The following GRIK4 variants were observed in gnomAD, a reference collection of about 807,000 sequenced individuals.
The protein encoded by GRIK4 is glutamate receptor ionotropic, kainate 4.
Under a neutral mutation model 104.9 loss-of-function variants are expected in GRIK4, and 40 were observed. That is an observed-to-expected ratio of 0.38 (90% CI 0.30 to 0.50). The LOEUF is 0.50. GRIK4 is among the 20% of genes least tolerant of loss of function. The pLI, the probability that GRIK4 is intolerant of heterozygous loss-of-function variation, is 0.93. For missense variants in GRIK4, 1,047 were observed against 1,308.1 expected (o/e 0.80, Z 3.08); for synonymous variants, 485 against 524.9 (o/e 0.92, Z 1.04).
intron 11 of GRIK4, among the ~76,000 whole-genome samples, chr11:120,890,890 G>A (rs1005805851): frequency 6.6e-6 from 1 of 152,048 alleles, no homozygotes; most frequent in African/African-American, 2.4e-5. Flanking sequence ...GGTTACGGTG[G>A]CCTCCCTAGA....
chr11:120,899,793 C>A (rs540809641), intron 12 of GRIK4, among the ~76,000 whole-genome samples: 1 of 152,198 alleles, frequency 6.6e-6, no homozygotes, highest in African/African-American at 2.4e-5. Flanking sequence ...GGCCCAGCAT[C>A]TTATTAGCAG....
chr11:120,677,323 G>C (rs1950113927), intron 3 of GRIK4, among the ~76,000 whole-genome samples: 1 of 152,184 alleles, frequency 6.6e-6, no homozygotes, highest in Non-Finnish European at 1.5e-5. Context: ...TCCTGCCATG[G>C]GGTCTAGAGA....
intron 1 of GRIK4, among the ~76,000 whole-genome samples, chr11:120,553,619 A>G (rs1257391347): frequency 6.6e-6 from 1 of 152,140 alleles, no homozygotes; most frequent in African/African-American, 2.4e-5. Flanking sequence ...ACCTGAACTC[A>G]GGGGTTATAT....
chr11:120,834,309 T>G (rs1331293972), intron 7 of GRIK4, among the ~76,000 whole-genome samples: 2 of 147,142 alleles, frequency 1.4e-5, no homozygotes, highest in African/African-American at 5.0e-5. Context: ...TGGCCATGCT[T>G]TTGAAGGAAG....
chr11:120,660,538 C>T (rs1193627846), intron 3 of GRIK4, 138 bp downstream of exon 3: 1 of 647,346 alleles, frequency 1.5e-6, no homozygotes, highest in African/African-American at 1.8e-5. Context: ...CTGGGGTGAA[C>T]ATGCAGGTGG....
rs531322010 is a variant in GRIK4, at chr11:120,588,096, A to G, written c.-158-65589A>G. On this transcript the variant is annotated intron_variant, in intron 1 of 20. Transcript: ENST00000527524. ...GGGTGGGCTGCAAATTCAGGAGGGC[A>G]GGTGTGTGGGCGGCCAGAGGGGCAC... Among the ~76,000 whole-genome samples, 45 of 152,236 alleles carry G rather than the reference A, an allele frequency of 3.0e-4. No individual in the cohort carries two copies. The South Asian group carries it at 9.1e-3, about 31-fold the overall frequency.
rs980342596 is a variant in GRIK4 at position 120,903,732 on chromosome 11, G to C, written c.1273-1558G>C. Reference sequence around the variant, plus strand: ...TGGGGAAGGAGCTTGGAGGAGAGGCGATCTGCCCTCTCTGTGCCTGCCGCC... The same window carrying C: ...TGGGGAAGGAGCTTGGAGGAGAGGCCATCTGCCCTCTCTGTGCCTGCCGCC... On this transcript the variant is annotated intron_variant, in intron 12 of 20. Transcript: ENST00000527524. This position sits in a 1 kb window ranked among gnomAD's most constrained non-coding sequence, Gnocchi z 4.4. 6.6e-6 allele frequency among the ~76,000 whole-genome samples: 1 copy of C among 152,064 alleles called. No homozygotes were observed. Among genetic ancestry groups the C allele is most frequent in the African/African-American group, 2.4e-5 (1 of 41,418 alleles).
chr11:120,795,097 C>T (rs140572306), intron 3 of GRIK4, among the ~76,000 whole-genome samples: 150 of 152,278 alleles, frequency 9.9e-4, no homozygotes, highest in African/African-American at 3.1e-3. Flanking sequence ...GGGCTCTATC[C>T]GGCTGAGCCA....
intron 1 of GRIK4, among the ~76,000 whole-genome samples, chr11:120,535,026 A>G (rs1947958645): frequency 6.6e-6 from 1 of 152,204 alleles, no homozygotes; most frequent in Non-Finnish European, 1.5e-5. Context: ...GCTGGCCGGT[A>G]TTCAACAGCG....
At chr11:120,660,532 G>A (rs1422632999) in intron 3 of GRIK4, 132 bp downstream of exon 3, 1 of 662,142 alleles carries the variant, frequency 1.5e-6, no homozygotes, top group Admixed American at 2.6e-5. Context: ...GTGTGGCTGG[G>A]GTGAACATGC....
At chr11:120,848,207 A>T (rs1054689737) in intron 8 of GRIK4, among the ~76,000 whole-genome samples, 5 of 152,002 alleles carry the variant, frequency 3.3e-5, no homozygotes, top group African/African-American at 1.2e-4. Flanking sequence ...GTACAGACTG[A>T]CTCTAAGATG....
At chr11:120,672,053 T>C (rs1950027192) in intron 3 of GRIK4, among the ~76,000 whole-genome samples, 1 of 152,220 alleles carries the variant, frequency 6.6e-6, no homozygotes, top group Non-Finnish European at 1.5e-5. Flanking sequence ...TGAAGTCACA[T>C]AGTGTGATGC....
intron 13 of GRIK4, among the ~76,000 whole-genome samples, chr11:120,931,627 TCA>T (rs1565446706): frequency 6.6e-6 from 1 of 152,212 alleles, no homozygotes; most frequent in Non-Finnish European, 1.5e-5. Context: ...TCTCTGTGCC[TCA>T]GTTTTCTCAT....
At chr11:120,787,145 CT>C (rs548207852) in intron 3 of GRIK4, among the ~76,000 whole-genome samples, 66 of 85,606 alleles carry the variant, frequency 7.7e-4, no homozygotes, top group Middle Eastern at 7.5e-3. Flanking sequence ...TAGTAGGACT[CT>C]TTTTTTTTTT....
At chr11:120,612,499 CAAA>C (rs11333522) in intron 1 of GRIK4, among the ~76,000 whole-genome samples, 3,929 of 147,366 alleles carry the variant, frequency 0.027, 143 homozygotes, top group African/African-American at 0.088. Flanking sequence ...ACTTTTGAGG[CAAA>C]AAAAAAAAAA....
chr11:120,594,487 T>A (rs1012247896), intron 1 of GRIK4, among the ~76,000 whole-genome samples: 1 of 151,992 alleles, frequency 6.6e-6, no homozygotes, highest in African/African-American at 2.4e-5. Flanking sequence ...AATAAATAAA[T>A]AATAAATAAA....
chr11:120,552,868 C>T (rs1948153134), intron 1 of GRIK4, among the ~76,000 whole-genome samples: 1 of 152,012 alleles, frequency 6.6e-6, no homozygotes, highest in African/African-American at 2.4e-5. Flanking sequence ...GGCGTGGTGG[C>T]AGGTGCCTGT....
chr11:120,800,604 G>A (rs148049958), intron 3 of GRIK4, among the ~76,000 whole-genome samples: 17 of 152,276 alleles, frequency 1.1e-4, no homozygotes, highest in African/African-American at 4.1e-4. Context: ...TGATTGCCTC[G>A]GACTTGGGAT....
At chr11:120,784,225 C>T (rs1477450484) in intron 3 of GRIK4, among the ~76,000 whole-genome samples, 2 of 152,186 alleles carry the variant, frequency 1.3e-5, no homozygotes, top group East Asian at 1.9e-4. Context: ...GGACTCGGAA[C>T]CCCCGTGTCC....
Sources: allele counts gnomAD v4.1 joint callset (sites outside exome capture counted in the v4.1 genomes callset), GRCh38; gene constraint gnomAD v4.1.1; non-coding constraint Gnocchi (gnomAD v3.1); transcripts MANE v1.5; gene names NCBI Gene and HGNC (gene_info 2026-07-23, HGNC 2026-07-21).